The following GPBP1L1 variants were observed in gnomAD, a reference collection of about 807,000 sequenced individuals.
GPBP1L1 encodes the protein GC-rich promoter binding protein 1 like 1, also known as vasculin-like protein 1.
A neutral mutation model predicts 52.5 loss-of-function variants in GPBP1L1; 23 were observed. That is an observed-to-expected ratio of 0.44 (90% CI 0.32 to 0.62). The LOEUF (loss-of-function observed/expected upper bound fraction) is 0.62. Ranked by LOEUF, GPBP1L1 falls within the 20% of genes least tolerant of loss-of-function variation. GPBP1L1 has a pLI of 0.06. For missense variants in GPBP1L1, 596 were observed against 579.3 expected (o/e 1.03, Z -0.30); for synonymous variants, 243 against 203.1 (o/e 1.20, Z -1.67).
Position 45,655,287 on chromosome 1 carries a change from C to A in GPBP1L1, c.93G>T (p.Glu31Asp). The change falls in exon 5 of 13, where the codon GAG (glutamate) becomes GAT (aspartate). Residue 31 changes from glutamate (E) to aspartate (D), a missense_variant. By Grantham distance (45) the Glu-to-Asp change is conservative. Transcript: ENST00000355105. ...SPTATFEKHGEHLPRGEGRFG... is the reference protein window; with the variant it reads ...SPTATFEKHGDHLPRGEGRFG... Reference sequence around the variant, plus strand: ...ATCTACCTTCTCCTCTGGGTAGGTGCTCTCCGTGTTTTTCGAAGGTGGCAG... The same window carrying A: ...ATCTACCTTCTCCTCTGGGTAGGTGATCTCCGTGTTTTTCGAAGGTGGCAG... 1 of 1,613,986 alleles carries A rather than the reference C, an allele frequency of 6.2e-7. No homozygotes were observed. The highest frequency in any genetic ancestry group is 8.5e-7 in the Non-Finnish European group (1 of 1,179,878).
At chr1:45,675,888 A>G (rs1206029049) in intron 2 of GPBP1L1, among the ~76,000 whole-genome samples, 3 of 152,136 alleles carry the variant, frequency 2.0e-5, no homozygotes, top group Non-Finnish European at 4.4e-5. Context: ...TATTCCTTAA[A>G]CTGCAGATCC....
chr1:45,681,810 C>G (rs1340330893), intron 2 of GPBP1L1, among the ~76,000 whole-genome samples: 2 of 152,208 alleles, frequency 1.3e-5, no homozygotes, highest in African/African-American at 4.8e-5. Context: ...AGCAGCAAAG[C>G]TGAGATTCGA....
chr1:45,632,101 T>C (rs1644538454), intron 10 of GPBP1L1, among the ~76,000 whole-genome samples: 1 of 152,200 alleles, frequency 6.6e-6, no homozygotes, highest in Non-Finnish European at 1.5e-5. Context: ...TCTTTCATCC[T>C]CACAGGTCTA....
chr1:45,652,032 G>A (rs756745078), intron 6 of GPBP1L1, among the ~76,000 whole-genome samples: 1 of 152,202 alleles, frequency 6.6e-6, no homozygotes, highest in Non-Finnish European at 1.5e-5. Flanking sequence ...TCTAGAGCAA[G>A]GTTTGTCAGC....
intron 2 of GPBP1L1, among the ~76,000 whole-genome samples, chr1:45,669,722 G>C (rs568267538): frequency 6.6e-6 from 1 of 151,812 alleles, no homozygotes; most frequent in South Asian, 2.1e-4. Flanking sequence ...AATAGAAAAA[G>C]AATGTAGTTC....
At chr1:45,638,043 T>C (rs1463940495) in intron 8 of GPBP1L1, among the ~76,000 whole-genome samples, 3 of 152,348 alleles carry the variant, frequency 2.0e-5, no homozygotes, top group South Asian at 4.1e-4. Flanking sequence ...TTCTTTGTAA[T>C]AGTTGCTCTC....
At chr1:45,661,457 C>CTT (rs201763349) in intron 2 of GPBP1L1, among the ~76,000 whole-genome samples, 4 of 142,318 alleles carry the variant, frequency 2.8e-5, no homozygotes, top group African/African-American at 5.1e-5. Flanking sequence ...AGAGTTTGCT[C>CTT]TTTTTTTTTT....
chr1:45,683,453 C>A (rs1645237051), intron 2 of GPBP1L1, among the ~76,000 whole-genome samples: 1 of 151,092 alleles, frequency 6.6e-6, no homozygotes, highest in Non-Finnish European at 1.5e-5. Context: ...GATCCGCCCG[C>A]CTCGGCCTCC....
intron 10 of GPBP1L1, 92 bp downstream of exon 10, chr1:45,633,397 C>A (rs898980132): frequency 6.7e-6 from 9 of 1,335,794 alleles, no homozygotes; most frequent in Middle Eastern, 1.9e-4. Context: ...ATTTAAAAAT[C>A]TTGCCACATC....
chr1:45,677,181 C>A (rs1481574270), intron 2 of GPBP1L1, among the ~76,000 whole-genome samples: 1 of 150,282 alleles, frequency 6.7e-6, no homozygotes, highest in African/African-American at 2.5e-5. Flanking sequence ...ACTAAAAATA[C>A]AAAAATTAGC....
intron 2 of GPBP1L1, among the ~76,000 whole-genome samples, chr1:45,678,097 A>G (rs1284204179): frequency 2.0e-5 from 3 of 152,218 alleles, no homozygotes; most frequent in Non-Finnish European, 2.9e-5. Context: ...AAACATCCAG[A>G]ATAGGCAAAT....
chr1:45,680,799 CCTGGAT>C, intron 2 of GPBP1L1, among the ~76,000 whole-genome samples: 2 of 145,500 alleles, frequency 1.4e-5, no homozygotes, highest in Non-Finnish European at 3.1e-5. Flanking sequence ...AAGAGTAATG[CCTGGAT>C]GTTGTTCCCT....
chr1:45,679,527 G>C (rs149094530), intron 2 of GPBP1L1, among the ~76,000 whole-genome samples: 21 of 152,238 alleles, frequency 1.4e-4, no homozygotes, highest in African/African-American at 4.8e-4. Flanking sequence ...TATCTATATG[G>C]TATGTGTATG....
intron 4 of GPBP1L1, among the ~76,000 whole-genome samples, chr1:45,658,374 G>A (rs1644908245): frequency 6.6e-6 from 1 of 152,066 alleles, no homozygotes; most frequent in Non-Finnish European, 1.5e-5. Flanking sequence ...CAATAGGTTA[G>A]CAAGTACGTT....
At chr1:45,670,322 T>C (rs547300565) in intron 2 of GPBP1L1, among the ~76,000 whole-genome samples, 6 of 152,378 alleles carry the variant, frequency 3.9e-5, no homozygotes, top group African/African-American at 7.2e-5. Flanking sequence ...ATCTTATTAA[T>C]GCAAGAGAAT....
chr1:45,649,627 C>T (rs2148459817), intron 6 of GPBP1L1, among the ~76,000 whole-genome samples: 1 of 152,146 alleles, frequency 6.6e-6, no homozygotes, highest in African/African-American at 2.4e-5. Flanking sequence ...TCAGTGCCAT[C>T]ATATCAGGAG....
At chr1:45,677,073 C>T (rs1459815388) in intron 2 of GPBP1L1, among the ~76,000 whole-genome samples, 2 of 151,688 alleles carry the variant, frequency 1.3e-5, no homozygotes, top group Admixed American at 6.6e-5. Context: ...CAGTGGCTCA[C>T]GCCTGTAATC....
intron 6 of GPBP1L1, among the ~76,000 whole-genome samples, chr1:45,647,509 G>C (rs907399363): frequency 2.0e-5 from 3 of 152,178 alleles, no homozygotes; most frequent in African/African-American, 7.2e-5. Context: ...GAGCAAAAAT[G>C]TGCCTGGACA....
chr1:45,638,435 A>G (rs1196691659), intron 8 of GPBP1L1, among the ~76,000 whole-genome samples: 2 of 152,038 alleles, frequency 1.3e-5, no homozygotes, highest in Non-Finnish European at 2.9e-5. Context: ...TTTCTCAGTT[A>G]TTTTCCTCAA....
Sources: allele counts gnomAD v4.1 joint callset (sites outside exome capture counted in the v4.1 genomes callset), GRCh38; gene constraint gnomAD v4.1.1; transcripts MANE v1.5; gene names NCBI Gene and HGNC (gene_info 2026-07-23, HGNC 2026-07-21).